The following MAD1L1 variants were observed in gnomAD, a reference collection of about 807,000 sequenced individuals.
The protein encoded by MAD1L1 is mitotic arrest deficient 1 like 1.
In MAD1L1, 95 loss-of-function variants were observed where a neutral mutation model predicts 96.9. The observed-to-expected ratio is 0.98, with a 90% CI of 0.83 to 1.16. MAD1L1 has a LOEUF of 1.16. Among genes scored for constraint, MAD1L1 ranks in the 50% most tolerant of loss-of-function variants. The pLI is 0.00. For synonymous variants in MAD1L1, 473 were observed against 396.6 expected (o/e 1.19, Z -2.29); for missense variants, 1,007 against 954.4 (o/e 1.06, Z -0.73).
intron 10 of MAD1L1, among the ~76,000 whole-genome samples, chr7:2,168,920 T>C (rs1254078608): frequency 3.9e-5 from 6 of 152,144 alleles, no homozygotes; most frequent in Non-Finnish European, 8.8e-5. Context: ...GAGCCAGGGA[T>C]GGCGGCTGAA....
chr7:2,096,770 G>A (rs945177142), intron 11 of MAD1L1, among the ~76,000 whole-genome samples: 3 of 151,974 alleles, frequency 2.0e-5, no homozygotes, highest in East Asian at 1.9e-4. Context: ...GAGGGGGCAG[G>A]CTGCAGCTGC....
At chr7:2,224,310 G>A (rs1490224940) in intron 4 of MAD1L1, among the ~76,000 whole-genome samples, 2 of 152,080 alleles carry the variant, frequency 1.3e-5, no homozygotes, top group Non-Finnish European at 1.5e-5. Flanking sequence ...GGAGACTCCT[G>A]TGGACTCTCC....
chr7:1,875,605 C>T (rs1369847659), intron 18 of MAD1L1, among the ~76,000 whole-genome samples: 8 of 152,158 alleles, frequency 5.3e-5, no homozygotes, highest in African/African-American at 1.4e-4. Context: ...AGAGGAAAGG[C>T]GGCAAGGTTC....
At chr7:1,915,350 G>T (rs930984251) in intron 17 of MAD1L1, among the ~76,000 whole-genome samples, 1 of 152,186 alleles carries the variant, frequency 6.6e-6, no homozygotes, top group African/African-American at 2.4e-5. Context: ...CCGAAAAGGC[G>T]TCCTGGCAGC....
At chr7:2,029,649 G>A (rs1423347618) in intron 12 of MAD1L1, among the ~76,000 whole-genome samples, 1 of 152,118 alleles carries the variant, frequency 6.6e-6, no homozygotes, top group Non-Finnish European at 1.5e-5. Context: ...AAACAGCTCA[G>A]GGCAAACACA....
In MAD1L1 at chr7:2,195,673, T is replaced by C. The variant is rs558191092; in HGVS notation, c.986+17539A>G. Among the ~76,000 whole-genome samples, 8 of 152,328 alleles carry C rather than the reference T, an allele frequency of 5.3e-5. No individual in the cohort carries two copies. The South Asian group carries it at 8.3e-4, about 16-fold the overall frequency. On this transcript the variant is annotated intron_variant, in intron 10 of 18. Coordinates refer to ENST00000265854, the MANE Select transcript of MAD1L1 (RefSeq NM_001013836.2). ...AACTCAGCCACCTCCGCGAACAAGA[T>C]AGTATTGTGTTGCAGCCTCAGAAGT...
intron 10 of MAD1L1, among the ~76,000 whole-genome samples, chr7:2,194,367 G>C (rs1404318949): frequency 6.6e-6 from 1 of 152,220 alleles, no homozygotes; most frequent in African/African-American, 2.4e-5. Flanking sequence ...CAGCTGTCTT[G>C]AAAATAAAGT....
intron 11 of MAD1L1, among the ~76,000 whole-genome samples, chr7:2,074,616 C>G (rs1160752171): frequency 6.6e-6 from 1 of 152,246 alleles, no homozygotes; most frequent in Non-Finnish European, 1.5e-5. Flanking sequence ...AGCTGCCCCA[C>G]TTGCCTGCAG....
intron 10 of MAD1L1, among the ~76,000 whole-genome samples, chr7:2,151,514 C>T (rs1789569466): frequency 6.6e-6 from 1 of 152,248 alleles, no homozygotes; most frequent in African/African-American, 2.4e-5. Context: ...CCAGAGGGCA[C>T]ACTGCCTGCC....
chr7:2,174,134 T>C (rs776523232), intron 10 of MAD1L1, among the ~76,000 whole-genome samples: 1 of 152,218 alleles, frequency 6.6e-6, no homozygotes, highest in Non-Finnish European at 1.5e-5. Context: ...TGACTGACTT[T>C]TTTAAAGACT....
chr7:1,885,746 G>C (rs986539212), intron 18 of MAD1L1, among the ~76,000 whole-genome samples: 1 of 152,208 alleles, frequency 6.6e-6, no homozygotes, highest in African/African-American at 2.4e-5. Context: ...AGATCCCCGA[G>C]GGCTCGGCAG....
At chr7:1,839,929 G>A (rs1278813307) in intron 18 of MAD1L1, among the ~76,000 whole-genome samples, 1 of 152,236 alleles carries the variant, frequency 6.6e-6, no homozygotes, top group Non-Finnish European at 1.5e-5. Context: ...CACAGACCCT[G>A]CCTGGCCATC....
At chr7:2,201,692 A>G (rs1383393952) in intron 10 of MAD1L1, among the ~76,000 whole-genome samples, 2 of 152,210 alleles carry the variant, frequency 1.3e-5, no homozygotes, top group Non-Finnish European at 2.9e-5. Context: ...CCACCCGGAC[A>G]CGCCGCAGAG....
intron 16 of MAD1L1, among the ~76,000 whole-genome samples, chr7:1,951,165 C>T (rs1779478617): frequency 6.6e-6 from 1 of 152,260 alleles, no homozygotes; most frequent in Admixed American, 6.5e-5. Context: ...TCTGCTATCC[C>T]AGTCTCCCCA....
intron 10 of MAD1L1, among the ~76,000 whole-genome samples, chr7:2,157,781 C>T (rs553382457): frequency 1.4e-4 from 22 of 152,350 alleles, no homozygotes; most frequent in African/African-American, 5.3e-4. Context: ...AGCCCCAACA[C>T]CTCCAACTGG....
chr7:2,174,615 G>A (rs1044558748), intron 10 of MAD1L1, among the ~76,000 whole-genome samples: 3 of 151,780 alleles, frequency 2.0e-5, no homozygotes, highest in African/African-American at 4.8e-5. Flanking sequence ...TTTTCTTTCC[G>A]GATCTCCTTA....
At chr7:2,138,350 G>C (rs984564532) in intron 11 of MAD1L1, among the ~76,000 whole-genome samples, 3 of 152,200 alleles carry the variant, frequency 2.0e-5, no homozygotes, top group African/African-American at 7.2e-5. Flanking sequence ...GGGGCGGTCA[G>C]CTCTGCAGGT....
chr7:1,941,443 A>G (rs1005181340), intron 16 of MAD1L1, among the ~76,000 whole-genome samples: 2 of 152,266 alleles, frequency 1.3e-5, no homozygotes, highest in African/African-American at 4.8e-5. Context: ...AGGAAACCAA[A>G]TCAAAACAGA....
At chr7:2,138,433 C>G (rs1187452357) in intron 11 of MAD1L1, among the ~76,000 whole-genome samples, 3 of 152,216 alleles carry the variant, frequency 2.0e-5, no homozygotes, top group Admixed American at 2.0e-4. Context: ...GGCGCCAGAC[C>G]AAGTGGCCTA....
Sources: allele counts gnomAD v4.1 joint callset (sites outside exome capture counted in the v4.1 genomes callset), GRCh38; gene constraint gnomAD v4.1.1; transcripts MANE v1.5; gene names NCBI Gene and HGNC (gene_info 2026-07-23, HGNC 2026-07-21).